ROBO1: variants seen among roughly 807,000 people sequenced by gnomAD.
ROBO1 encodes roundabout guidance receptor 1.
ROBO1 carries 149 observed loss-of-function variants against 195.9 expected under a neutral mutation model. The ratio of observed to expected loss-of-function variants is 0.76; its 90% confidence interval spans 0.67 to 0.87. The LOEUF is 0.87. ROBO1 is among the 40% of genes least tolerant of loss of function. ROBO1 has a pLI of 0.00. For synonymous variants in ROBO1, 816 were observed against 733.2 expected, an observed-to-expected ratio of 1.11 and a Z score of -1.82; for missense variants, 1,933 against 2,068.3, an observed-to-expected ratio of 0.93 and a Z score of 1.27.
At chr3:79,226,313 C>T (rs746685137) in intron 2 of ROBO1, among the ~76,000 whole-genome samples, 44 of 152,088 alleles carry the variant, frequency 2.9e-4, no homozygotes, top group Non-Finnish European at 5.6e-4. Flanking sequence ...AGGCACACTA[C>T]TCAAAATAAA....
chr3:79,380,217 T>C (rs2036522528), intron 2 of ROBO1, among the ~76,000 whole-genome samples: 1 of 152,194 alleles, frequency 6.6e-6, no homozygotes, highest in Admixed American at 6.5e-5. Context: ...CTATACCTAC[T>C]CTTTACTCTT....
chr3:79,489,996 C>T (rs910796738), intron 2 of ROBO1, among the ~76,000 whole-genome samples: 2 of 152,164 alleles, frequency 1.3e-5, no homozygotes, highest in Non-Finnish European at 1.5e-5. Flanking sequence ...AAAGAGACTC[C>T]TTTAGGGACA....
intron 2 of ROBO1, among the ~76,000 whole-genome samples, chr3:79,572,391 TAATTATAG>T (rs1943307839): frequency 6.6e-6 from 1 of 152,066 alleles, no homozygotes; most frequent in Non-Finnish European, 1.5e-5. Context: ...ATTCATGACA[TAATTATAG>T]AAATGTTAAA....
intron 4 of ROBO1, among the ~76,000 whole-genome samples, chr3:78,812,679 C>G (rs1014177238): frequency 4.6e-5 from 7 of 152,028 alleles, no homozygotes; most frequent in African/African-American, 1.7e-4. Context: ...ACAGTAAGAG[C>G]AGGGATTTGA....
At chr3:78,943,977 A>T (rs191323608) in intron 3 of ROBO1, among the ~76,000 whole-genome samples, 6 of 152,354 alleles carry the variant, frequency 3.9e-5, no homozygotes, top group South Asian at 4.1e-4. Flanking sequence ...CATCTTTATT[A>T]AAAAAGTATA....
chr3:79,046,070 T>C (rs1202508416), intron 3 of ROBO1, among the ~76,000 whole-genome samples: 1 of 152,154 alleles, frequency 6.6e-6, no homozygotes, highest in Non-Finnish European at 1.5e-5. Context: ...TTTAGACTTG[T>C]GTATAACAGA....
intron 2 of ROBO1, among the ~76,000 whole-genome samples, chr3:79,203,675 G>A (rs2081810509): frequency 6.6e-6 from 1 of 152,136 alleles, no homozygotes; most frequent in African/African-American, 2.4e-5. Flanking sequence ...TGTATATGGT[G>A]AACAATTTGA....
rs547752134 is a variant in ROBO1 at position 79,682,806 on chromosome 3, T to G, written c.-51+84946A>C. Among the ~76,000 whole-genome samples the G allele has an allele frequency of 3.4e-4, 51 of 152,122 alleles. 1 individual carries two copies. The South Asian group carries it at 0.01, about 30-fold the overall frequency. ...TCATTTTTTAGGTATTAAATAATAT[T>G]GAGGATCACTTCAAAATGTTCATGA... On this transcript the variant is annotated intron_variant, in intron 1 of 30. Coordinates refer to ENST00000464233, the MANE Select transcript of ROBO1 (RefSeq NM_002941.4).
At chr3:78,730,895 G>A (rs2082271483) in intron 5 of ROBO1, among the ~76,000 whole-genome samples, 8 of 152,130 alleles carry the variant, frequency 5.3e-5, no homozygotes, top group Non-Finnish European at 1.0e-4. Context: ...AAGAAAATAC[G>A]ACCTTAGAAA....
At chr3:79,118,410 A>G (rs2080049657) in intron 3 of ROBO1, among the ~76,000 whole-genome samples, 1 of 151,810 alleles carries the variant, frequency 6.6e-6, no homozygotes, top group African/African-American at 2.4e-5. Context: ...GTTTCTTTAA[A>G]TTTCCCTAAA....
intron 2 of ROBO1, among the ~76,000 whole-genome samples, chr3:79,588,329 A>G (rs1468909678): frequency 1.3e-5 from 2 of 151,666 alleles, no homozygotes; most frequent in African/African-American, 4.8e-5. Context: ...CCCACCATAT[A>G]TATTCATACA....
chr3:79,611,896 C>CA (rs1560036970), intron 1 of ROBO1, among the ~76,000 whole-genome samples: 1 of 150,182 alleles, frequency 6.7e-6, no homozygotes, highest in African/African-American at 2.4e-5. Context: ...ACAACAACAA[C>CA]AAAAAAAGAA....
At chr3:79,388,559 GA>G (rs1017626078) in intron 2 of ROBO1, among the ~76,000 whole-genome samples, 6 of 149,226 alleles carry the variant, frequency 4.0e-5, no homozygotes, top group East Asian at 3.9e-4. Context: ...TAGCATTGCA[GA>G]AAAAAAAAAT....
intron 2 of ROBO1, among the ~76,000 whole-genome samples, chr3:79,502,899 A>G (rs1429467419): frequency 6.6e-6 from 1 of 152,046 alleles, no homozygotes; most frequent in African/African-American, 2.4e-5. Context: ...TTGTAAATGC[A>G]CCAATCAGCA....
At chr3:79,082,172 A>C (rs996114010) in intron 3 of ROBO1, among the ~76,000 whole-genome samples, 2 of 152,168 alleles carry the variant, frequency 1.3e-5, no homozygotes, top group African/African-American at 2.4e-5. Flanking sequence ...TATACTTCTA[A>C]GATGCTAAAA....
At chr3:79,504,963 T>C (rs550088801) in intron 2 of ROBO1, among the ~76,000 whole-genome samples, 13 of 152,112 alleles carry the variant, frequency 8.5e-5, no homozygotes, top group Non-Finnish European at 1.6e-4. Flanking sequence ...TATATGATTG[T>C]AATAGAAGGT....
At chr3:78,658,204 G>A (rs546462633) in intron 17 of ROBO1, among the ~76,000 whole-genome samples, 3 of 152,122 alleles carry the variant, frequency 2.0e-5, no homozygotes, top group Non-Finnish European at 2.9e-5. Context: ...GATCTTCTGC[G>A]ATGTTTAAGA....
intron 2 of ROBO1, among the ~76,000 whole-genome samples, chr3:79,158,736 T>C (rs997800575): frequency 3.3e-5 from 5 of 151,868 alleles, no homozygotes; most frequent in Non-Finnish European, 7.4e-5. Flanking sequence ...TAGCCTCTAT[T>C]TCATTGTGTT....
intron 2 of ROBO1, among the ~76,000 whole-genome samples, chr3:79,319,150 T>C (rs1292412330): frequency 1.3e-5 from 2 of 152,118 alleles, no homozygotes; most frequent in Non-Finnish European, 2.9e-5. Flanking sequence ...GTTGAAACAT[T>C]TTATAAGTCT....
Sources: allele counts gnomAD v4.1 joint callset (sites outside exome capture counted in the v4.1 genomes callset), GRCh38; gene constraint gnomAD v4.1.1; transcripts MANE v1.5; gene names NCBI Gene and HGNC (gene_info 2026-07-23, HGNC 2026-07-21).